SLC4A10: variants seen among roughly 807,000 people sequenced by gnomAD.
SLC4A10 encodes sodium-driven chloride bicarbonate exchanger.
SLC4A10 carries 42 observed loss-of-function variants against 137.7 expected under a neutral mutation model. The ratio of observed to expected loss-of-function variants is 0.30; its 90% CI spans 0.24 to 0.39. SLC4A10 has a LOEUF of 0.39. Among genes scored for constraint, SLC4A10 ranks in the 10% least tolerant of loss-of-function variants. The pLI is 1.00. For synonymous variants in SLC4A10, 474 were observed against 464.1 expected, an observed-to-expected ratio of 1.02 and a Z score of -0.27; for missense variants, 925 against 1,355.0, an observed-to-expected ratio of 0.68 and a Z score of 4.98.
chr2:161,673,104 A>C (rs1031680368), intron 1 of SLC4A10, among the ~76,000 whole-genome samples: 3 of 152,236 alleles, frequency 2.0e-5, no homozygotes, highest in African/African-American at 7.2e-5. Flanking sequence ...CTGATACACT[A>C]AATGCCCAGC....
At chr2:161,747,299 G>A (rs1466919272) in intron 1 of SLC4A10, among the ~76,000 whole-genome samples, 6 of 152,066 alleles carry the variant, frequency 3.9e-5, no homozygotes, top group African/African-American at 9.7e-5. Context: ...GTGGGTGCTG[G>A]CCAAATTCCG....
chr2:161,690,387 G>A, intron 1 of SLC4A10, among the ~76,000 whole-genome samples: 1 of 152,096 alleles, frequency 6.6e-6, no homozygotes, highest in Non-Finnish European at 1.5e-5. Flanking sequence ...ACAGTGTGGT[G>A]ATTCCTTAAA....
At position 161,794,369 on chromosome 2, in the gene SLC4A10, G is replaced by A. The variant is rs939835416; in HGVS notation, c.131-10080G>A. 7.9e-5 allele frequency among the ~76,000 whole-genome samples: 12 copies of A among 152,018 alleles called. 1 individual carries two copies. The highest frequency in any genetic ancestry group is 5.9e-4 in the Admixed American group (9 of 15,232). On this transcript the variant is annotated intron_variant, in intron 2 of 26. Transcript: ENST00000446997. ...ATACTTAAAATCTTCCAAGAGGGTG[G>A]ATCTTATGTTGTATTCTTACCACGC...
At chr2:161,742,871 CA>C (rs1422971560) in intron 1 of SLC4A10, among the ~76,000 whole-genome samples, 1 of 152,156 alleles carries the variant, frequency 6.6e-6, no homozygotes, top group Non-Finnish European at 1.5e-5. Context: ...GATAATCAGT[CA>C]TGTTGAGTGT....
At chr2:161,783,812 A>C (rs1014683553) in intron 2 of SLC4A10, among the ~76,000 whole-genome samples, 2 of 151,868 alleles carry the variant, frequency 1.3e-5, no homozygotes, top group Non-Finnish European at 2.9e-5. Context: ...ACAAAACATG[A>C]AAAATGAGAG....
At chr2:161,695,961 G>T (rs1389625138) in intron 1 of SLC4A10, among the ~76,000 whole-genome samples, 2 of 151,592 alleles carry the variant, frequency 1.3e-5, no homozygotes, top group African/African-American at 4.9e-5. Context: ...TGTGCACAAC[G>T]TGCAGGTTTG....
chr2:161,793,709 G>T (rs1050636693), intron 2 of SLC4A10, among the ~76,000 whole-genome samples: 3 of 152,026 alleles, frequency 2.0e-5, no homozygotes, highest in Non-Finnish European at 4.4e-5. Context: ...ATTTCCTGCT[G>T]GTACAATAAG....
intron 3 of SLC4A10, among the ~76,000 whole-genome samples, chr2:161,838,283 T>C (rs202124051): frequency 6.6e-6 from 1 of 150,632 alleles, no homozygotes; most frequent in Non-Finnish European, 1.5e-5. Flanking sequence ...ATGCAAAAAA[T>C]AAAAAAAAAC....
chr2:161,896,686 C>T (rs2063542139), intron 11 of SLC4A10, among the ~76,000 whole-genome samples: 1 of 151,986 alleles, frequency 6.6e-6, no homozygotes, highest in South Asian at 2.1e-4. Context: ...GCATGTTTTA[C>T]AATAGCATAA....
chr2:161,642,238 T>C (rs2035416333), intron 1 of SLC4A10, among the ~76,000 whole-genome samples: 1 of 152,000 alleles, frequency 6.6e-6, no homozygotes, highest in Non-Finnish European at 1.5e-5. Context: ...TGATTTCAAA[T>C]AGACCAAATA....
chr2:161,879,006 A>T, intron 8 of SLC4A10, 125 bp from the exon 9 acceptor site: 1 of 773,718 alleles, frequency 1.3e-6, no homozygotes, highest in South Asian at 3.0e-5. Flanking sequence ...TGAGATGTTT[A>T]ACTGTGTGTA....
chr2:161,870,072 A>G (rs1255257446), intron 6 of SLC4A10, among the ~76,000 whole-genome samples: 1 of 151,254 alleles, frequency 6.6e-6, no homozygotes, highest in Non-Finnish European at 1.5e-5. Flanking sequence ...CTTATAAAGT[A>G]ATATTTTCTA....
At chr2:161,957,698 G>A (rs1695913242) in intron 20 of SLC4A10, among the ~76,000 whole-genome samples, 1 of 152,128 alleles carries the variant, frequency 6.6e-6, no homozygotes, top group Admixed American at 6.6e-5. Context: ...TCCATTTTAA[G>A]TGCTCTGTAA....
At chr2:161,956,686 G>A (rs955034021) in intron 19 of SLC4A10, among the ~76,000 whole-genome samples, 1 of 152,204 alleles carries the variant, frequency 6.6e-6, no homozygotes, top group African/African-American at 2.4e-5. Context: ...GATTTCTAAG[G>A]AGGGGCTTAA....
At chr2:161,754,665 C>G (rs1312737596) in intron 1 of SLC4A10, among the ~76,000 whole-genome samples, 1 of 152,106 alleles carries the variant, frequency 6.6e-6, no homozygotes, top group Admixed American at 6.6e-5. Context: ...CTTTGTTTTT[C>G]CTATCCCCCT....
intron 1 of SLC4A10, among the ~76,000 whole-genome samples, chr2:161,726,936 T>C (rs896113256): frequency 2.6e-5 from 4 of 152,098 alleles, no homozygotes; most frequent in African/African-American, 9.7e-5. Context: ...ACAAAGAGAC[T>C]CAAGTTGTTT....
chr2:161,661,714 G>T lies in SLC4A10; in HGVS notation c.48+37148G>T, dbSNP rs575491955. Among the ~76,000 whole-genome samples the T allele has an allele frequency of 2.0e-4, 31 of 152,098 alleles. No homozygotes were observed. The South Asian group carries it at 6.2e-3, about 31-fold the overall frequency. ...CTGAGGAATTCATTAATACTTTTTA[G>T]GCTTTCTATTTGTTGGCTTCATTCC... On this transcript the variant is annotated intron_variant, in intron 1 of 26. Coordinates refer to ENST00000446997, the MANE Select transcript of SLC4A10 (RefSeq NM_001178015.2).
intron 2 of SLC4A10, among the ~76,000 whole-genome samples, chr2:161,781,993 C>T (rs2053081023): frequency 6.6e-6 from 1 of 152,078 alleles, no homozygotes; most frequent in Admixed American, 6.6e-5. Context: ...ACCCAAAGGA[C>T]TGGCTTCTGT....
At chr2:161,798,963 G>C (rs1013790415) in intron 2 of SLC4A10, among the ~76,000 whole-genome samples, 1 of 150,290 alleles carries the variant, frequency 6.7e-6, no homozygotes, top group Non-Finnish European at 1.5e-5. Flanking sequence ...TTCTGAGCCT[G>C]AATTGTGGAA....
Sources: allele counts gnomAD v4.1 joint callset (sites outside exome capture counted in the v4.1 genomes callset), GRCh38; gene constraint gnomAD v4.1.1; transcripts MANE v1.5; gene names NCBI Gene and HGNC (gene_info 2026-07-23, HGNC 2026-07-21).